The following KIAA0513 variants were observed in gnomAD, a reference collection of about 807,000 sequenced individuals.
KIAA0513 encodes the protein KIAA0513.
In KIAA0513, 39 loss-of-function variants were observed where a neutral mutation model predicts 56.5. That is an observed-to-expected ratio of 0.69 (90% CI 0.53 to 0.90). The LOEUF (loss-of-function observed/expected upper bound fraction) is 0.90. KIAA0513 is among the 40% of genes least tolerant of loss of function. The pLI is 0.00. For synonymous variants in KIAA0513, 268 were observed against 215.6 expected, an observed-to-expected ratio of 1.24 and a Z score of -2.13; for missense variants, 591 against 535.2, an observed-to-expected ratio of 1.10 and a Z score of -1.03.
At chr16:85,078,492 C>T in intron 7 of KIAA0513, 37 bp downstream of exon 7, 2 of 1,598,664 alleles carry the variant, frequency 1.3e-6, no homozygotes, top group South Asian at 2.2e-5. Flanking sequence ...GACGCCCAGC[C>T]CACAGCCCCT....
chr16:85,045,097 G>A (rs568744608), intron 1 of KIAA0513, among the ~76,000 whole-genome samples: 2 of 152,108 alleles, frequency 1.3e-5, no homozygotes, highest in South Asian at 4.1e-4. Context: ...CAGCCTGGGG[G>A]ACAGAGCGAG....
In KIAA0513 at chr16:85,088,796, C is replaced by T. The variant is rs191766657; in HGVS notation, c.*471C>T. The T allele has an allele frequency of 3.2e-3, 527 of 164,096 alleles. 1 individual carries two copies. Among genetic ancestry groups the T allele is most frequent in the Non-Finnish European group, 4.6e-3 (348 of 75,294 alleles). 10.2% of individuals were successfully genotyped at this position (164,096 alleles called of 1,614,324 possible). On this transcript the variant is annotated 3_prime_UTR_variant, in exon 13 of 13. Coordinates refer to ENST00000683363, the MANE Select transcript of KIAA0513 (RefSeq NM_001388359.1). ...ACCTTCCCTGCAATGGGTGCACACGCGGCTCCCATCCAGCCCTCTCAGCGT... is the reference window on the plus strand; with the variant it reads ...ACCTTCCCTGCAATGGGTGCACACGTGGCTCCCATCCAGCCCTCTCAGCGT...
chr16:85,044,886 A>G (rs2073150816), intron 1 of KIAA0513, among the ~76,000 whole-genome samples: 1 of 151,902 alleles, frequency 6.6e-6, no homozygotes, highest in Non-Finnish European at 1.5e-5. Flanking sequence ...TGGGAGGCCG[A>G]GGCAGGTGGA....
At chr16:85,080,940 C>T (rs2073734601) in intron 8 of KIAA0513, among the ~76,000 whole-genome samples, 1 of 152,226 alleles carries the variant, frequency 6.6e-6, no homozygotes, top group Non-Finnish European at 1.5e-5. Flanking sequence ...CTTCCCAGCC[C>T]TCTGCTTCGT....
intron 4 of KIAA0513, among the ~76,000 whole-genome samples, chr16:85,073,679 G>A (rs913701632): frequency 2.0e-5 from 3 of 152,230 alleles, no homozygotes; most frequent in Non-Finnish European, 4.4e-5. Flanking sequence ...TGGGGAGGCT[G>A]GGCAGTGGCC....
chr16:85,075,321 A>T (rs775862243), intron 4 of KIAA0513, among the ~76,000 whole-genome samples: 2 of 152,178 alleles, frequency 1.3e-5, no homozygotes, highest in Non-Finnish European at 2.9e-5. Flanking sequence ...CAGGATAGAA[A>T]GGCAAAGAAA....
intron 1 of KIAA0513, among the ~76,000 whole-genome samples, chr16:85,051,176 C>A (rs1172861406): frequency 6.6e-6 from 1 of 152,024 alleles, no homozygotes; most frequent in African/African-American, 2.4e-5. Flanking sequence ...AAGAAAGGAC[C>A]CAGTTGAAGC....
chr16:85,090,879 G>GGTTTC lies in KIAA0513; in HGVS notation c.*2555_*2559dup, dbSNP rs1285954543. On this transcript the variant is annotated 3_prime_UTR_variant, in exon 13 of 13. Coordinates refer to ENST00000683363, the MANE Select transcript of KIAA0513 (RefSeq NM_001388359.1). The stretch of plus-strand genomic sequence containing the variant: ...GACAGGGCTTACCACCTGCCACCAA[G>GGTTTC]GTTTCCTCTCTTCCCCCAGGACCTG... 6.6e-6 allele frequency: 1 copy of GGTTTC among 152,466 alleles called. No homozygotes were observed. Among genetic ancestry groups the GGTTTC allele is most frequent in the Admixed American group, 6.5e-5 (1 of 15,286 alleles). 9.4% of individuals were successfully genotyped at this position (152,466 alleles called of 1,614,324 possible).
intron 1 of KIAA0513, among the ~76,000 whole-genome samples, chr16:85,054,421 C>CTTTTTTTTTTTTTT (rs398042273): frequency 7.5e-5 from 9 of 119,544 alleles, no homozygotes; most frequent in South Asian, 2.7e-4. Flanking sequence ...TTTTTCTTTT[C>CTTTTTTTTTTTTTT]TTTTTTTTTT....
rs1401050439 is a variant in KIAA0513, at chr16:85,077,453, C to A, written c.603C>A (p.Ser201=). ...IGKPQLLPPE[S]REKPAGSIDS... ...AACCACAGCTGCTGCCCCCGGAGTC[C>A]CGGGAGAAGCCCGCGGGCAGCATCG... is the stretch of plus-strand genomic sequence containing the variant. The change falls in exon 6 of 13, where the codon TCC becomes TCA. Residue 201 remains serine (S), a synonymous_variant. Transcript: ENST00000683363. 1.2e-6 allele frequency: 2 copies of A among 1,614,172 alleles called. No individual in the cohort carries two copies. Among genetic ancestry groups the A allele is most frequent in the Admixed American group, 3.3e-5 (2 of 60,016 alleles).
intron 2 of KIAA0513, 46 bp downstream of exon 2, chr16:85,067,446 C>T (rs1218836315): frequency 7.5e-6 from 11 of 1,459,338 alleles, no homozygotes; most frequent in Non-Finnish European, 2.8e-6. Context: ...GCCACAGGGC[C>T]CAAGGGGACT....
intron 4 of KIAA0513, among the ~76,000 whole-genome samples, chr16:85,075,570 C>T (rs763078565): frequency 2.6e-5 from 4 of 152,126 alleles, no homozygotes; most frequent in Non-Finnish European, 4.4e-5. Flanking sequence ...TGCTCCTGGG[C>T]GTCAAGTTGA....
At chr16:85,070,141 A>G (rs1176698820) in intron 2 of KIAA0513, among the ~76,000 whole-genome samples, 1 of 150,936 alleles carries the variant, frequency 6.6e-6, no homozygotes, top group African/African-American at 2.4e-5. Context: ...ACTGCACTCC[A>G]GCCTGGGTGA....
chr16:85,087,042 C>T (rs78833300), intron 11 of KIAA0513, 30 bp from the exon 12 acceptor site: 25,947 of 1,603,070 alleles, frequency 0.016, 399 homozygotes, highest in East Asian at 0.055. Context: ...GGGAGGCCAG[C>T]GGGTGACGCT....
chr16:85,079,715 G>T (rs2073714482), intron 8 of KIAA0513: 1 of 152,276 alleles, frequency 6.6e-6, no homozygotes, highest in African/African-American at 2.4e-5. Flanking sequence ...GGAAATGGTG[G>T]TGGCTGCACA....
At chr16:85,086,946 G>C in intron 11 of KIAA0513, 126 bp from the exon 12 acceptor site, 1 of 940,662 alleles carries the variant, frequency 1.1e-6, no homozygotes, top group Non-Finnish European at 1.6e-6. Context: ...TTAGGCAGCA[G>C]TGCGTTTTAG....
At chr16:85,029,539 T>G (rs1189871253) in intron 1 of KIAA0513, among the ~76,000 whole-genome samples, 1 of 152,226 alleles carries the variant, frequency 6.6e-6, no homozygotes, top group African/African-American at 2.4e-5. Flanking sequence ...AAAGGTGAAT[T>G]GCTTTATAGT....
chr16:85,059,620 C>A (rs72658735), intron 1 of KIAA0513, among the ~76,000 whole-genome samples: 285 of 152,320 alleles, frequency 1.9e-3, no homozygotes, highest in African/African-American at 6.5e-3. Context: ...GGAGTGAAAG[C>A]AATAATACTG....
At chr16:85,073,123 G>T in intron 4 of KIAA0513, 125 bp downstream of exon 4, 4 of 823,278 alleles carry the variant, frequency 4.9e-6, no homozygotes. Context: ...TCAGGTTGCA[G>T]TTGCTCTGCT....
Sources: allele counts gnomAD v4.1 joint callset (sites outside exome capture counted in the v4.1 genomes callset), GRCh38; gene constraint gnomAD v4.1.1; transcripts MANE v1.5; gene names NCBI Gene and HGNC (gene_info 2026-07-23, HGNC 2026-07-21).